The following MEAK7 variants were observed in gnomAD, a reference collection of about 807,000 sequenced individuals.
The protein encoded by MEAK7 is MTOR associated protein MEAK7.
MEAK7 carries 68 observed loss-of-function variants against 40.5 expected under a neutral mutation model. The ratio of observed to expected loss-of-function variants is 1.68; its 90% CI spans 1.38 to 2.06. The LOEUF (loss-of-function observed/expected upper bound fraction) is 2.06. MEAK7 is among the 30% of genes most tolerant of loss of function. The pLI, the probability that MEAK7 is intolerant of heterozygous loss-of-function variation, is 0.00. For synonymous variants in MEAK7, 338 were observed against 231.9 expected, an observed-to-expected ratio of 1.46 and a Z score of -4.16; for missense variants, 918 against 580.5, an observed-to-expected ratio of 1.58 and a Z score of -5.98.
rs779346900 is a variant in MEAK7, at chr16:84,489,321, C to T, written c.486G>A (p.Val162=). Residue 162 remains valine (V), a synonymous_variant, in exon 4 of 8, where the codon GTG becomes GTA. Coordinates refer to ENST00000343629, the MANE Select transcript of MEAK7 (RefSeq NM_020947.4). The part of the protein sequence containing the change: ...GKEAPGPNPR[V]QVLAAQLLSD... ...AGAGCAGCTGAGCAGCCAGCACCTG[C>T]ACCCGGGGGTTGGGCCCTGGGGCTT... 5.6e-6 allele frequency: 9 copies of T among 1,614,214 alleles called. No individual in the cohort carries two copies. The South Asian group carries it at 8.8e-5, about 16-fold the overall frequency.
At chr16:84,483,114 T>C (rs547237378) in intron 5 of MEAK7, among the ~76,000 whole-genome samples, 1 of 152,294 alleles carries the variant, frequency 6.6e-6, no homozygotes, top group African/African-American at 2.4e-5. Flanking sequence ...AGCAGGCAAG[T>C]GACGCTGCGT....
Position 84,486,813 on chromosome 16 carries a change from G to A in MEAK7, c.776C>T (p.Pro259Leu), listed in dbSNP as rs201654596. 3.7e-6 allele frequency: 6 copies of A among 1,613,914 alleles called. No individual in the cohort carries two copies. The African/African-American group carries it at 8.0e-5, about 22-fold the overall frequency. Residue 259 changes from proline (P) to leucine (L), a missense_variant, in exon 5 of 8, where the codon CCT becomes CTT. Physicochemically the swap from Pro to Leu is moderately conservative, Grantham distance 98. Coordinates refer to ENST00000343629, the MANE Select transcript of MEAK7 (RefSeq NM_020947.4). ...LSVMYINAQLPREQRHRWCLL... is the reference protein window; with the variant it reads ...LSVMYINAQLLREQRHRWCLL... Reference sequence around the variant, plus strand: ...GCACCAGCGGTGCCGCTGCTCCCGAGGCAGCTGGGCGTTGATGTACATGAC... The same window carrying A: ...GCACCAGCGGTGCCGCTGCTCCCGAAGCAGCTGGGCGTTGATGTACATGAC...
intron 3 of MEAK7, among the ~76,000 whole-genome samples, chr16:84,492,006 C>T (rs959941813): frequency 6.6e-6 from 1 of 152,074 alleles, no homozygotes; most frequent in Admixed American, 6.5e-5. Flanking sequence ...ATCTTCAACA[C>T]TGAAAACAAT....
Position 84,487,032 on chromosome 16 carries a change from C to T in MEAK7, c.557G>A (p.Trp186Ter). The change falls in exon 5 of 8, where the codon TGG becomes TAG. Residue 186 changes from tryptophan to a stop codon, truncating the protein, a stop_gained. Transcript: ENST00000343629. LOFTEE classifies it high-confidence loss of function. Reference sequence around the variant, plus strand: ...AGCTCGGTCACAGTCATAGTCCAGCCACTGGGGCCCCAGAAGTCTCTTGCC... The same window carrying T: ...AGCTCGGTCACAGTCATAGTCCAGCTACTGGGGCCCCAGAAGTCTCTTGCC... Reference protein sequence around the residue: ...QDGKRLLGPQWLDYDCDRAVI... With the variant: ...QDGKRLLGPQ The T allele has an allele frequency of 3.7e-6, 6 of 1,612,994 alleles. No homozygotes were observed. Among genetic ancestry groups the T allele is most frequent in the Non-Finnish European group, 4.2e-6 (5 of 1,179,488 alleles).
intron 5 of MEAK7, among the ~76,000 whole-genome samples, chr16:84,484,750 G>A (rs1912883955): frequency 1.3e-5 from 2 of 152,124 alleles, no homozygotes; most frequent in African/African-American, 2.4e-5. Flanking sequence ...CAGGACAAGC[G>A]GACAGCACGC....
Position 84,497,949 on chromosome 16 carries a change from A to G in MEAK7, c.138T>C (p.Ser46=), listed in dbSNP as rs761386930. The change falls in exon 2 of 8, where the codon TCT becomes TCC. Residue 46 remains serine, a synonymous_variant. Coordinates refer to ENST00000343629, the MANE Select transcript of MEAK7 (RefSeq NM_020947.4). The part of the protein sequence containing the change: ...NSPNVSSKSF[S]LKALQNHVGE... ...TTACTCTTGCCTGTAGTGCCTTCAG[A>G]GAGAAGGATTTGGATGAGACATTCG... 3.7e-6 allele frequency: 6 copies of G among 1,614,190 alleles called. No homozygotes were observed. In the South Asian group the frequency reaches 6.6e-5, roughly 18 times the overall value.
intron 2 of MEAK7, chr16:84,497,690 G>A (rs1173782685): frequency 2.0e-6 from 3 of 1,476,060 alleles, no homozygotes; most frequent in East Asian, 2.7e-5. Context: ...AAACGGGGAG[G>A]GATGCGTTTA....
At position 84,477,921 on chromosome 16, in the gene MEAK7, A is replaced by T. The variant is rs1193729547; in HGVS notation, c.*1992T>A. The T allele has an allele frequency of 6.6e-6, 1 of 152,138 alleles. No homozygotes were observed. The highest frequency in any genetic ancestry group is 1.5e-5 in the Non-Finnish European group (1 of 68,044). The allele number at this position is 152,138 out of a possible 1,614,324, so 9.4% of individuals were successfully genotyped here. A position where few individuals can be genotyped will look rare whatever the true frequency, so the allele number is the denominator to read the frequency against. On this transcript the variant is annotated 3_prime_UTR_variant, in exon 8 of 8. Coordinates refer to ENST00000343629, the MANE Select transcript of MEAK7 (RefSeq NM_020947.4). ...CTGCCTGGAAGCAGGTGCATTCGTG[A>T]TCTGCACTCTCCTTAGAACAAGCTC...
At position 84,489,429 on chromosome 16, in the gene MEAK7, G is replaced by A. The variant is rs761859108; in HGVS notation, c.385-7C>T. The A allele has an allele frequency of 1.2e-6, 2 of 1,601,758 alleles. No homozygotes were observed. Among genetic ancestry groups the A allele is most frequent in the East Asian group, 2.3e-5 (1 of 44,380 alleles). ...CAACCAGATCCTCTGTAAACTGTAA[G>A]ATCACAATTTTACCATTAAAAACAG... On this transcript the variant is annotated splice_region_variant and splice_polypyrimidine_tract_variant and intron_variant, in intron 3 of 7. Transcript: ENST00000343629.
chr16:84,480,518 G>C lies in MEAK7; in HGVS notation c.1257+11C>G, dbSNP rs528826865. The C allele has an allele frequency of 3.2e-4, 520 of 1,600,850 alleles. 8 individuals are homozygous for C. The South Asian group carries it at 5.6e-3, about 17-fold the overall frequency. ...GGGCCATCCTGGGATGCAGAGGACA[G>C]CTCCACTCACCAACTGCTCCTCTGA... On this transcript the variant is annotated intron_variant, in intron 7 of 7. Coordinates refer to ENST00000343629, the MANE Select transcript of MEAK7 (RefSeq NM_020947.4).
chr16:84,486,611 T>C lies in MEAK7; in HGVS notation c.958+20A>G, dbSNP rs1358516838. On this transcript the variant is annotated intron_variant, in intron 5 of 7. Transcript: ENST00000343629. ...GCCCGTGCTGTGCCACTCGTCAAGG[T>C]TCAGGACACCAAGTCTTACCTTGAA... is the stretch of plus-strand genomic sequence containing the variant. 6.3e-7 allele frequency: 1 copy of C among 1,581,488 alleles called. No homozygotes were observed. The highest frequency in any genetic ancestry group is 2.2e-5 in the East Asian group (1 of 44,614).
intron 1 of MEAK7, 148 bp from the exon 2 acceptor site, chr16:84,498,259 T>A: frequency 9.8e-7 from 1 of 1,023,650 alleles, no homozygotes; most frequent in Non-Finnish European, 1.4e-6. Context: ...ATACTGGGTT[T>A]TGGGTTTTGT....
At chr16:84,485,091 G>C (rs1178389486) in intron 5 of MEAK7, among the ~76,000 whole-genome samples, 1 of 152,182 alleles carries the variant, frequency 6.6e-6, no homozygotes, top group African/African-American at 2.4e-5. Context: ...TTTCCCCGGA[G>C]CCCGAGGCTG....
At chr16:84,499,553 A>C (rs1914331079) in intron 1 of MEAK7, among the ~76,000 whole-genome samples, 1 of 152,198 alleles carries the variant, frequency 6.6e-6, no homozygotes, top group East Asian at 1.9e-4. Flanking sequence ...TAACCATTTT[A>C]AAGTGTACAG....
intron 3 of MEAK7, among the ~76,000 whole-genome samples, chr16:84,495,043 C>A (rs907723566): frequency 6.6e-6 from 1 of 152,148 alleles, no homozygotes; most frequent in Non-Finnish European, 1.5e-5. Context: ...CCAAGGCAGG[C>A]GGACCACCTA....
intron 1 of MEAK7, chr16:84,504,000 C>T (rs569869955): frequency 8.1e-6 from 8 of 985,522 alleles, no homozygotes; most frequent in South Asian, 9.4e-5. Flanking sequence ...TCTGGACAGG[C>T]TTCGAAGTCC....
Position 84,479,568 on chromosome 16 carries a change from C to A in MEAK7, c.*345G>T, listed in dbSNP as rs1185468627. The A allele has an allele frequency of 5.4e-6, 1 of 184,160 alleles. No individual in the cohort carries two copies. The highest frequency in any genetic ancestry group is 2.3e-5 in the African/African-American group (1 of 42,634). The allele number at this position is 184,160 out of a possible 1,614,324, so 11.4% of individuals were successfully genotyped here. On this transcript the variant is annotated 3_prime_UTR_variant, in exon 8 of 8. Coordinates refer to ENST00000343629, the MANE Select transcript of MEAK7 (RefSeq NM_020947.4). Reference sequence around the variant, plus strand: ...CTAATGCCAGCGGAATTCCCTAATGCCAGCGGGGGTCTGAAAGGTCTCAGC... The same window carrying A: ...CTAATGCCAGCGGAATTCCCTAATGACAGCGGGGGTCTGAAAGGTCTCAGC...
intron 5 of MEAK7, among the ~76,000 whole-genome samples, chr16:84,483,985 C>T (rs1037379333): frequency 6.6e-6 from 1 of 152,204 alleles, no homozygotes; most frequent in Non-Finnish European, 1.5e-5. Flanking sequence ...GCCCCAGAGG[C>T]TTGAGGGCAG....
rs901833985 is a variant in MEAK7, at chr16:84,478,691, C to T, written c.*1222G>A. 2 of 152,250 alleles carry T rather than the reference C, an allele frequency of 1.3e-5. No individual in the cohort carries two copies. The highest frequency in any genetic ancestry group is 2.9e-5 in the Non-Finnish European group (2 of 68,058). 9.4% of individuals were successfully genotyped at this position (152,250 alleles called of 1,614,324 possible). A position where few individuals can be genotyped will look rare whatever the true frequency, so the allele number is the denominator to read the frequency against. ...CACAACCCACCTACACGATCTTCAG[C>T]ATTTCAGGATCACCGGAGCTTGTTT... On this transcript the variant is annotated 3_prime_UTR_variant, in exon 8 of 8. Coordinates refer to ENST00000343629, the MANE Select transcript of MEAK7 (RefSeq NM_020947.4).
Sources: gnomAD v4.1 joint callset for allele counts (sites outside exome capture counted in the v4.1 genomes callset) on GRCh38, gnomAD v4.1.1 for gene constraint, MANE v1.5 for transcripts, NCBI Gene and HGNC (gene_info 2026-07-23, HGNC 2026-07-21) for gene names.